MFSD1: variants seen among roughly 807,000 people sequenced by gnomAD.
MFSD1 encodes the protein major facilitator superfamily domain containing 1, also known as lysosomal dipeptide transporter MFSD1.
MFSD1 carries 59 observed loss-of-function variants against 67.1 expected under a neutral mutation model. That is an observed-to-expected ratio of 0.88 (90% CI 0.71 to 1.09). The LOEUF is 1.09. MFSD1 is among the 50% of genes least tolerant of loss of function. MFSD1 has a pLI of 0.00. For synonymous variants in MFSD1, 213 were observed against 200.3 expected (o/e 1.06, Z -0.54); for missense variants, 552 against 566.1 (o/e 0.97, Z 0.25).
intron 7 of MFSD1, among the ~76,000 whole-genome samples, chr3:158,819,191 C>T (rs904555928): frequency 3.9e-5 from 6 of 152,128 alleles, no homozygotes; most frequent in African/African-American, 1.4e-4. Context: ...CTTGGGCTGC[C>T]AGAGGGCAGG....
rs1433628333 is a variant in MFSD1 at position 158,802,385 on chromosome 3, A to G, written c.163+70A>G. The G allele has an allele frequency of 1.9e-5, 30 of 1,579,112 alleles. No individual in the cohort carries two copies. In the East Asian group the frequency reaches 6.3e-4, roughly 33 times the overall value. Reference sequence around the variant, plus strand: ...GACTTTCTCTTCGAGGTAGATCGTCATCGTGGTCACTGGTGCCACGGGGCC... The same window carrying G: ...GACTTTCTCTTCGAGGTAGATCGTCGTCGTGGTCACTGGTGCCACGGGGCC... On this transcript the variant is annotated intron_variant, in intron 1 of 15. Transcript: ENST00000415822.
intron 3 of MFSD1, 38 bp downstream of exon 3, chr3:158,805,512 A>C (rs542573731): frequency 1.4e-6 from 2 of 1,407,186 alleles, no homozygotes; most frequent in Admixed American, 3.3e-5. Context: ...ATCTTACCTG[A>C]TTGTTAGAAA....
intron 5 of MFSD1, among the ~76,000 whole-genome samples, chr3:158,808,091 A>G (rs534995030): frequency 6.6e-6 from 1 of 152,334 alleles, no homozygotes; most frequent in Non-Finnish European, 1.5e-5. Context: ...ACATACCCCA[A>G]AAAGTAACCG....
intron 5 of MFSD1, 69 bp downstream of exon 5, chr3:158,807,532 A>T (rs1241049008): frequency 7.8e-7 from 1 of 1,287,854 alleles, no homozygotes; most frequent in African/African-American, 1.5e-5. Context: ...AAAGATCTTT[A>T]AAAAACCTTG....
Position 158,802,090 on chromosome 3 carries a change from C to G in MFSD1, c.-63C>G. 6.3e-7 allele frequency: 1 copy of G among 1,585,058 alleles called. No individual in the cohort carries two copies. Among genetic ancestry groups the G allele is most frequent in the Non-Finnish European group, 8.6e-7 (1 of 1,169,200 alleles). ...CGCCGTCTTGACAGTGTTCCACGGG[C>G]GCTGCTTCCTGCCTGGGTTTGGAGT... On this transcript the variant is annotated 5_prime_UTR_variant, in exon 1 of 16. Coordinates refer to ENST00000415822, the MANE Select transcript of MFSD1 (RefSeq NM_022736.4).
chr3:158,810,520 C>G (rs1014123877), intron 6 of MFSD1, among the ~76,000 whole-genome samples: 5 of 152,206 alleles, frequency 3.3e-5, no homozygotes, highest in African/African-American at 1.2e-4. Flanking sequence ...TAAGTTCTTT[C>G]TGATTTTTCA....
rs1028199883 is a variant in MFSD1, at chr3:158,824,265, T to C, written c.1288+29T>C. 3.4e-6 allele frequency: 5 copies of C among 1,458,490 alleles called. No homozygotes were observed. The African/African-American group carries it at 7.1e-5, about 21-fold the overall frequency. 90.3% of individuals were successfully genotyped at this position (1,458,490 alleles called of 1,614,324 possible). On this transcript the variant is annotated intron_variant, in intron 13 of 15. Coordinates refer to ENST00000415822, the MANE Select transcript of MFSD1 (RefSeq NM_022736.4). ...AGTATTCCGTATGACAACATTTTGT[T>C]TCTTTTACTACATAACAGAATGTTC...
chr3:158,804,205 C>A, intron 1 of MFSD1, 114 bp from the exon 2 acceptor site: 1 of 643,166 alleles, frequency 1.6e-6, no homozygotes, highest in South Asian at 2.1e-5. Context: ...AGAAATATTT[C>A]TGTAGTGTCA....
At chr3:158,819,026 T>C (rs973011690) in intron 7 of MFSD1, among the ~76,000 whole-genome samples, 1 of 152,244 alleles carries the variant, frequency 6.6e-6, no homozygotes, top group African/African-American at 2.4e-5. Flanking sequence ...GATTCATTTA[T>C]TTTATTAAGC....
intron 5 of MFSD1, among the ~76,000 whole-genome samples, chr3:158,808,385 T>A (rs1729830720): frequency 6.6e-6 from 1 of 152,112 alleles, no homozygotes; most frequent in Non-Finnish European, 1.5e-5. Context: ...TGGAGGAGAA[T>A]CGTAAATATT....
chr3:158,809,245 A>G lies in MFSD1; in HGVS notation c.507A>G (p.Glu169=), dbSNP rs1421724024. The G allele has an allele frequency of 1.9e-6, 3 of 1,611,796 alleles. No homozygotes were observed. ...CTGTGAGCTGGTTTAAAGGCAAAGA[A>G]TTAAACCTGGTGTTTGGACTTCAAC... ...TYAVSWFKGK[E]LNLVFGLQLS... The change falls in exon 6 of 16, where the codon GAA becomes GAG. Residue 169 remains glutamate, a synonymous_variant. Coordinates refer to ENST00000415822, the MANE Select transcript of MFSD1 (RefSeq NM_022736.4).
At chr3:158,810,954 C>T (rs946578193) in intron 6 of MFSD1, among the ~76,000 whole-genome samples, 1 of 152,126 alleles carries the variant, frequency 6.6e-6, no homozygotes, top group Non-Finnish European at 1.5e-5. Flanking sequence ...AGTTGTCTAA[C>T]AACTTTTTAA....
intron 15 of MFSD1, 98 bp from the exon 16 acceptor site, chr3:158,828,881 A>G (rs1359714709): frequency 3.2e-6 from 4 of 1,239,154 alleles, no homozygotes; most frequent in Non-Finnish European, 4.5e-6. Flanking sequence ...AGTATTTGCT[A>G]TTACATGTCT....
At chr3:158,807,500 A>AT in intron 5 of MFSD1, 37 bp downstream of exon 5, 1 of 1,486,642 alleles carries the variant, frequency 6.7e-7, no homozygotes, top group Middle Eastern at 1.7e-4. Context: ...CTAATGTATT[A>AT]TTGTTTTAGT....
In MFSD1 at chr3:158,829,067, C is replaced by G; in HGVS notation, c.*85C>G. On this transcript the variant is annotated 3_prime_UTR_variant, in exon 16 of 16. Coordinates refer to ENST00000415822, the MANE Select transcript of MFSD1 (RefSeq NM_022736.4). ...CATTTTTAAAAATTTAGAGTTTAGT[C>G]ATTAGAAAAAATAATGGACTGGAAA... 7.5e-7 allele frequency: 1 copy of G among 1,329,688 alleles called. No homozygotes were observed. Among genetic ancestry groups the G allele is most frequent in the Non-Finnish European group, 1.0e-6 (1 of 963,432 alleles). 82.4% of individuals were successfully genotyped at this position (1,329,688 alleles called of 1,614,324 possible). A position where few individuals can be genotyped will look rare whatever the true frequency, so the allele number is the denominator to read the frequency against.
At chr3:158,807,492 A>G (rs1729789036) in intron 5 of MFSD1, 29 bp downstream of exon 5, 1 of 1,521,424 alleles carries the variant, frequency 6.6e-7, no homozygotes. Flanking sequence ...AATTTATCCT[A>G]ATGTATTATT....
chr3:158,815,917 C>T (rs1036194892), intron 7 of MFSD1, among the ~76,000 whole-genome samples: 17 of 150,448 alleles, frequency 1.1e-4, no homozygotes, highest in Admixed American at 4.7e-4. Context: ...GGTTTTTTGT[C>T]CTTGTGATAG....
intron 5 of MFSD1, among the ~76,000 whole-genome samples, chr3:158,807,724 T>G (rs1438191471): frequency 2.6e-5 from 4 of 152,256 alleles, no homozygotes; most frequent in Non-Finnish European, 2.9e-5. Flanking sequence ...GCATTTTGCC[T>G]GTTCTGTTGT....
rs1366799221 is a variant in MFSD1, at chr3:158,803,988, GAAAT to G, written c.164-323_164-320del. Among the ~76,000 whole-genome samples, 8 of 152,122 alleles carry G rather than the reference GAAAT, an allele frequency of 5.3e-5. 1 individual carries two copies. In the East Asian group the frequency reaches 7.7e-4, roughly 15 times the overall value. On this transcript the variant is annotated intron_variant, in intron 1 of 15. Coordinates refer to ENST00000415822, the MANE Select transcript of MFSD1 (RefSeq NM_022736.4). ...TAGTGTATGTGTGTTTGTAAATAAG[GAAAT>G]AAATAAAATATAGATGCTTCATGAA...
Sources: gnomAD v4.1 joint callset for allele counts (sites outside exome capture counted in the v4.1 genomes callset) on GRCh38, gnomAD v4.1.1 for gene constraint, MANE v1.5 for transcripts, NCBI Gene and HGNC (gene_info 2026-07-23, HGNC 2026-07-21) for gene names.